The following EPB41 variants were observed in gnomAD, a reference collection of about 807,000 sequenced individuals.
The protein encoded by EPB41 is protein 4.1.
Under a neutral mutation model 108.0 loss-of-function variants are expected in EPB41, and 65 were observed. The ratio of observed to expected loss-of-function variants is 0.60; its 90% CI spans 0.49 to 0.74. The LOEUF (loss-of-function observed/expected upper bound fraction) is 0.74. EPB41 is among the 30% of genes least tolerant of loss of function. The pLI is 0.00. For synonymous variants in EPB41, 336 were observed against 358.9 expected, an observed-to-expected ratio of 0.94 and a Z score of 0.72; for missense variants, 875 against 1,037.0, an observed-to-expected ratio of 0.84 and a Z score of 2.15.
intron 1 of EPB41, among the ~76,000 whole-genome samples, chr1:28,953,305 G>GT (rs2094815050): frequency 6.8e-6 from 1 of 147,848 alleles, no homozygotes; most frequent in Admixed American, 6.8e-5. Flanking sequence ...TAGGTTTCTT[G>GT]GTTTTTTTTT....
chr1:28,899,858 G>A (rs1052382042), intron 1 of EPB41, among the ~76,000 whole-genome samples: 5 of 152,184 alleles, frequency 3.3e-5, no homozygotes, highest in African/African-American at 1.2e-4. Context: ...TTTGTGAGCA[G>A]AGAGACTTTG....
intron 16 of EPB41, among the ~76,000 whole-genome samples, chr1:29,089,874 C>G (rs146454132): frequency 6.6e-6 from 1 of 151,808 alleles, no homozygotes; most frequent in African/African-American, 2.4e-5. Flanking sequence ...ATAGAGGACA[C>G]GTTCAAGGAA....
intron 1 of EPB41, among the ~76,000 whole-genome samples, chr1:28,936,309 A>G (rs1169860080): frequency 6.6e-6 from 1 of 152,182 alleles, no homozygotes; most frequent in African/African-American, 2.4e-5. Context: ...TGACTAAGTG[A>G]TGGCAAAGAC....
intron 3 of EPB41, among the ~76,000 whole-genome samples, chr1:28,996,574 A>C: frequency 6.6e-6 from 1 of 152,216 alleles, no homozygotes; most frequent in Non-Finnish European, 1.5e-5. Flanking sequence ...GATATATTGC[A>C]CCAAAAATGA....
chr1:28,917,569 G>A (rs968084793), intron 1 of EPB41, among the ~76,000 whole-genome samples: 2 of 151,358 alleles, frequency 1.3e-5, no homozygotes, highest in East Asian at 1.9e-4. Flanking sequence ...ATGAGCCACC[G>A]TGCCTGGCCC....
intron 5 of EPB41, 127 bp downstream of exon 5, chr1:29,012,034 A>AT: frequency 1.0e-6 from 1 of 977,262 alleles, no homozygotes; most frequent in Non-Finnish European, 1.6e-6. Context: ...TGAAATCGAG[A>AT]TAAAGCCTTC....
chr1:28,930,878 C>T (rs1453518070), intron 1 of EPB41, among the ~76,000 whole-genome samples: 1 of 152,006 alleles, frequency 6.6e-6, no homozygotes, highest in East Asian at 1.9e-4. Flanking sequence ...GTATATTGTA[C>T]CTTGTGATAA....
At chr1:28,937,350 T>C (rs1353951257) in intron 1 of EPB41, among the ~76,000 whole-genome samples, 1 of 152,236 alleles carries the variant, frequency 6.6e-6, no homozygotes, top group Non-Finnish European at 1.5e-5. Context: ...TTGTTTAGGC[T>C]GTATTTCCAC....
intron 12 of EPB41, among the ~76,000 whole-genome samples, chr1:29,055,562 A>G (rs1645209043): frequency 6.6e-6 from 1 of 151,966 alleles, no homozygotes; most frequent in African/African-American, 2.4e-5. Flanking sequence ...TTGTGTTGAA[A>G]TGAGACTGAA....
intron 16 of EPB41, among the ~76,000 whole-genome samples, chr1:29,084,904 G>T (rs1402769138): frequency 6.6e-6 from 1 of 152,144 alleles, no homozygotes; most frequent in African/African-American, 2.4e-5. Flanking sequence ...AACAAAAGCT[G>T]AAAGGAAGCC....
chr1:29,111,480 C>G (rs1020934918), intron 18 of EPB41, among the ~76,000 whole-genome samples: 3 of 151,654 alleles, frequency 2.0e-5, no homozygotes, highest in Non-Finnish European at 4.4e-5. Flanking sequence ...CAAAAAACCC[C>G]GTCTCTACTA....
intron 1 of EPB41, among the ~76,000 whole-genome samples, chr1:28,968,949 A>G (rs1395903460): frequency 6.7e-6 from 1 of 149,630 alleles, no homozygotes; most frequent in Non-Finnish European, 1.5e-5. Context: ...TGGGGGATAA[A>G]GTGATACTCT....
chr1:28,971,552 CA>C (rs538649106), intron 1 of EPB41, among the ~76,000 whole-genome samples: 12 of 152,078 alleles, frequency 7.9e-5, no homozygotes, highest in Non-Finnish European at 1.6e-4. Flanking sequence ...GTAGATTAGC[CA>C]ATAACAGATT....
intron 11 of EPB41, among the ~76,000 whole-genome samples, chr1:29,040,827 A>G (rs1216363961): frequency 2.0e-5 from 3 of 152,138 alleles, no homozygotes; most frequent in African/African-American, 7.2e-5. Flanking sequence ...GTCACTAAAA[A>G]AAGAGTGGCT....
chr1:29,042,904 T>C lies in EPB41; in HGVS notation c.1636+3478T>C, dbSNP rs1465072494. On this transcript the variant is annotated intron_variant, in intron 11 of 20. Coordinates refer to ENST00000343067, the MANE Select transcript of EPB41 (RefSeq NM_001376013.1). ...CTAGGCTTGGAGATTAAAATGACTT[T>C]TCATAAGACGTGACATCTGGTAAAT... Among the ~76,000 whole-genome samples the C allele has an allele frequency of 2.6e-5, 4 of 152,192 alleles. No homozygotes were observed. The South Asian group carries it at 6.2e-4, about 24-fold the overall frequency.
At position 28,987,771 on chromosome 1, in the gene EPB41, G is replaced by A. The variant is rs779019847; in HGVS notation, c.334G>A (p.Gly112Ser). Reference sequence around the variant, plus strand: ...GTCAGATAAAGAAAAAGGTGAAGGAGGTCAGAAAGAGATAGAATTTGGAAC... The same window carrying A: ...GTCAGATAAAGAAAAAGGTGAAGGAAGTCAGAAAGAGATAGAATTTGGAAC... ...VESDKEKGEG[G>S]QKEIEFGTSL... The change falls in exon 2 of 21, where the codon GGT (glycine) becomes AGT (serine). Residue 112 changes from glycine (G) to serine (S), a missense_variant. By Grantham distance (56) the Gly-to-Ser change is moderately conservative. Around this residue, in one of 3 missense-constraint regions of EPB41, gnomAD observed 353 missense variants for 393.2 expected, o/e 0.90. Coordinates refer to ENST00000343067, the MANE Select transcript of EPB41 (RefSeq NM_001376013.1). 6.2e-7 allele frequency: 1 copy of A among 1,614,066 alleles called. No individual in the cohort carries two copies. Among genetic ancestry groups the A allele is most frequent in the Admixed American group, 1.7e-5 (1 of 59,996 alleles).
chr1:28,927,294 C>T (rs1398041489), intron 1 of EPB41, among the ~76,000 whole-genome samples: 9 of 152,182 alleles, frequency 5.9e-5, no homozygotes, highest in East Asian at 5.8e-4. Flanking sequence ...TTTGGAGAAG[C>T]GCATATTGTG....
At chr1:29,008,610 T>G (rs1313609394) in intron 4 of EPB41, among the ~76,000 whole-genome samples, 1 of 152,186 alleles carries the variant, frequency 6.6e-6, no homozygotes, top group Non-Finnish European at 1.5e-5. Flanking sequence ...GTGTCTTTTC[T>G]GGTCCCCCTG....
intron 1 of EPB41, among the ~76,000 whole-genome samples, chr1:28,936,598 G>T (rs1462347989): frequency 6.6e-6 from 1 of 152,142 alleles, no homozygotes; most frequent in African/African-American, 2.4e-5. Flanking sequence ...CTTTCTGTTT[G>T]TATGGATTTG....
Sources: gnomAD v4.1 joint callset for allele counts (sites outside exome capture counted in the v4.1 genomes callset) on GRCh38, gnomAD v4.1.1 for gene constraint, gnomAD v4.1.1 regional missense constraint, MANE v1.5 for transcripts, NCBI Gene and HGNC (gene_info 2026-07-23, HGNC 2026-07-21) for gene names.